The following DLC1 variants were observed in gnomAD, a reference collection of about 807,000 sequenced individuals.
The protein encoded by DLC1 is DLC1 Rho GTPase activating protein, also known as rho GTPase-activating protein 7.
DLC1 carries 54 observed loss-of-function variants against 140.3 expected under a neutral mutation model. The observed-to-expected ratio is 0.38, with a 90% CI of 0.31 to 0.48. The LOEUF (loss-of-function observed/expected upper bound fraction) is 0.48, where lower values mean the gene tolerates loss of function less well. Ranked by LOEUF, DLC1 falls within the 20% of genes least tolerant of loss-of-function variation. The pLI, the probability that DLC1 is intolerant of heterozygous loss-of-function variation, is 0.96. For missense variants in DLC1, 2,536 were observed against 1,907.0 expected, an observed-to-expected ratio of 1.33 and a Z score of -6.14; for synonymous variants, 986 against 728.1, an observed-to-expected ratio of 1.35 and a Z score of -5.70.
At chr8:13,231,478 A>C (rs1439386390) in intron 5 of DLC1, among the ~76,000 whole-genome samples, 1 of 152,250 alleles carries the variant, frequency 6.6e-6, no homozygotes, top group Non-Finnish European at 1.5e-5. Flanking sequence ...ATTTTAAAAA[A>C]TGATTCGAAT....
At chr8:13,557,292 A>G (rs1331969890) in intron 1 of DLC1, among the ~76,000 whole-genome samples, 2 of 152,190 alleles carry the variant, frequency 1.3e-5, no homozygotes, top group Non-Finnish European at 2.9e-5. Flanking sequence ...GGTGAGATGC[A>G]GCAACAGACA....
chr8:13,487,093 AC>A (rs1801003719), intron 2 of DLC1, among the ~76,000 whole-genome samples: 2 of 152,180 alleles, frequency 1.3e-5, no homozygotes, highest in African/African-American at 4.8e-5. Flanking sequence ...GAATCAGAGC[AC>A]AATTAGTCGA....
intron 4 of DLC1, among the ~76,000 whole-genome samples, chr8:13,359,539 A>C (rs1835123113): frequency 6.6e-6 from 1 of 152,176 alleles, no homozygotes; most frequent in South Asian, 2.1e-4. Context: ...GGTTTAGCAA[A>C]GTACAGCTCA....
chr8:13,522,639 TAAAC>T (rs969073686), intron 1 of DLC1, among the ~76,000 whole-genome samples: 12 of 151,510 alleles, frequency 7.9e-5, no homozygotes, highest in African/African-American at 2.7e-4. Context: ...AATAAATAAA[TAAAC>T]AAATAAATAA....
At chr8:13,291,937 G>A (rs1186802200) in intron 5 of DLC1, among the ~76,000 whole-genome samples, 1 of 151,618 alleles carries the variant, frequency 6.6e-6, no homozygotes, top group African/African-American at 2.4e-5. Flanking sequence ...CTGTTATTTT[G>A]CCTCGCTCAG....
chr8:13,356,089 CA>C (rs372991073), intron 4 of DLC1, among the ~76,000 whole-genome samples: 822 of 53,266 alleles, frequency 0.015, 1 homozygote, highest in African/African-American at 0.058. Context: ...GACTCCATCT[CA>C]AAAAAAAAAA....
intron 1 of DLC1, among the ~76,000 whole-genome samples, chr8:13,548,999 A>G (rs1035170577): frequency 2.6e-5 from 4 of 152,100 alleles, no homozygotes; most frequent in Admixed American, 2.0e-4. Context: ...TATAAAATAT[A>G]AGACATTTAT....
chr8:13,512,785 G>A (rs557744587), intron 1 of DLC1, among the ~76,000 whole-genome samples: 1 of 152,046 alleles, frequency 6.6e-6, no homozygotes, highest in Non-Finnish European at 1.5e-5. Context: ...AGAAACATCA[G>A]ATTAAAATTA....
In DLC1 at chr8:13,368,839, T is replaced by G. The variant is rs371969648; in HGVS notation, c.1314+24714A>C. On this transcript the variant is annotated intron_variant, in intron 4 of 17. Transcript: ENST00000276297. ...TCTCTGATGATGGTTATTTATTTAT[T>G]TTAAGAGGGAGTCTCACTCTGTTGC... 2.4e-4 allele frequency among the ~76,000 whole-genome samples: 37 copies of G among 152,280 alleles called. No individual in the cohort carries two copies. In the East Asian group the frequency reaches 4.3e-3, roughly 18 times the overall value.
chr8:13,318,005 T>C (rs546076277), intron 4 of DLC1, among the ~76,000 whole-genome samples: 2 of 152,268 alleles, frequency 1.3e-5, no homozygotes, highest in African/African-American at 4.8e-5. Context: ...TATTAACTTA[T>C]TAATAACCTT....
intron 1 of DLC1, among the ~76,000 whole-genome samples, chr8:13,579,622 A>G (rs1205618442): frequency 7.4e-6 from 1 of 135,856 alleles, no homozygotes; most frequent in African/African-American, 2.8e-5. Context: ...TTTATATTAT[A>G]TATTTATAAT....
chr8:13,158,923 C>G (rs1416561997), intron 5 of DLC1, among the ~76,000 whole-genome samples: 1 of 152,066 alleles, frequency 6.6e-6, no homozygotes, highest in Non-Finnish European at 1.5e-5. Context: ...TGGGTTGCAG[C>G]CCAGGGATGA....
intron 5 of DLC1, among the ~76,000 whole-genome samples, chr8:13,144,252 C>G (rs1168310726): frequency 6.6e-6 from 1 of 152,184 alleles, no homozygotes; most frequent in African/African-American, 2.4e-5. Flanking sequence ...CCTTGGACAT[C>G]AGAACTCCAG....
At chr8:13,390,754 G>A (rs111371512) in intron 4 of DLC1, among the ~76,000 whole-genome samples, 37 of 152,168 alleles carry the variant, frequency 2.4e-4, no homozygotes, top group Admixed American at 1.3e-3. Flanking sequence ...TTGGGAGGCC[G>A]AGGCGGGTGG....
At chr8:13,464,767 TA>T (rs1178239768) in intron 2 of DLC1, among the ~76,000 whole-genome samples, 2 of 3,078 alleles carry the variant, frequency 6.5e-4, no homozygotes, top group African/African-American at 2.3e-3. Context: ...TATATATATT[TA>T]TATATATATA....
rs537241733 is a variant in DLC1 at position 13,146,295 on chromosome 8, G to A, written c.1349-30638C>T. ...ATCTCAAAAAAAAAAAAAATACACT[G>A]TAATACGTAATAGTTGTAGTAATAT... On this transcript the variant is annotated intron_variant, in intron 5 of 17. Transcript: ENST00000276297. Among the ~76,000 whole-genome samples the A allele has an allele frequency of 2.0e-5, 3 of 150,884 alleles. No individual in the cohort carries two copies. The South Asian group carries it at 6.3e-4, about 32-fold the overall frequency.
At chr8:13,103,243 G>A (rs565732718) in intron 7 of DLC1, among the ~76,000 whole-genome samples, 3 of 151,976 alleles carry the variant, frequency 2.0e-5, no homozygotes, top group Non-Finnish European at 2.9e-5. Flanking sequence ...CCCGGGAGGC[G>A]GAGATTGCAG....
chr8:13,567,581 A>T (rs1048132890), intron 1 of DLC1: 3 of 1,551,782 alleles, frequency 1.9e-6, no homozygotes, highest in Non-Finnish European at 2.6e-6. Flanking sequence ...CACATATCTT[A>T]TCAGTGTCCC....
At chr8:13,206,372 G>A (rs1051719718) in intron 5 of DLC1, among the ~76,000 whole-genome samples, 5 of 152,112 alleles carry the variant, frequency 3.3e-5, no homozygotes, top group African/African-American at 7.2e-5. Context: ...TAAAAGGTTT[G>A]GAATATACAG....
Sources: gnomAD v4.1 joint callset for allele counts (sites outside exome capture counted in the v4.1 genomes callset) on GRCh38, gnomAD v4.1.1 for gene constraint, MANE v1.5 for transcripts, NCBI Gene and HGNC (gene_info 2026-07-23, HGNC 2026-07-21) for gene names.